The following GNG7 variants were observed in gnomAD, a reference collection of about 807,000 sequenced individuals.
GNG7 encodes the protein guanine nucleotide-binding protein G(I)/G(S)/G(O) subunit gamma-7.
Under a neutral mutation model 4.0 loss-of-function variants are expected in GNG7, and 1 was observed. The observed-to-expected ratio is 0.25, with a 90% CI of 0.09 to 1.18. The LOEUF (loss-of-function observed/expected upper bound fraction) is 1.18, where lower values mean the gene tolerates loss of function less well. Among genes scored for constraint, GNG7 ranks in the 50% most tolerant of loss-of-function variants. GNG7 has a pLI of 0.50. For synonymous variants in GNG7, 34 were observed against 36.9 expected (o/e 0.92, Z 0.29); for missense variants, 86 against 91.9 (o/e 0.94, Z 0.26).
intron 2 of GNG7, among the ~76,000 whole-genome samples, chr19:2,555,795 G>T (rs1437451896): frequency 1.3e-5 from 2 of 152,116 alleles, no homozygotes; most frequent in African/African-American, 4.8e-5. Flanking sequence ...GGTCGGGGCG[G>T]TTGGGGCCTT....
In GNG7 at chr19:2,533,370, G is replaced by A. The variant is rs181346755; in HGVS notation, c.-37-12645C>T. ...AAAGTTCAAGAATAGGCAAAACTAT[G>A]GTGATAGAAATGAAAACAGAGGTTG... On this transcript the variant is annotated intron_variant, in intron 3 of 4. Coordinates refer to ENST00000382159, the MANE Select transcript of GNG7 (RefSeq NM_052847.3). 1.1e-4 allele frequency among the ~76,000 whole-genome samples: 16 copies of A among 152,106 alleles called. No individual in the cohort carries two copies. In the East Asian group the frequency reaches 3.1e-3, roughly 29 times the overall value.
intron 4 of GNG7, among the ~76,000 whole-genome samples, chr19:2,517,970 G>A (rs1004320894): frequency 1.3e-5 from 2 of 152,206 alleles, no homozygotes; most frequent in African/African-American, 4.8e-5. Context: ...CCCGCCGGCT[G>A]CGGCCTGTGA....
At chr19:2,672,042 C>A (rs111604617) in intron 1 of GNG7, among the ~76,000 whole-genome samples, 1,353 of 94,470 alleles carry the variant, frequency 0.014, 21 homozygotes, top group African/African-American at 0.054. Context: ...CAGAGTGAGA[C>A]TCCGTCTCAA....
At chr19:2,559,167 C>G (rs961637299) in intron 2 of GNG7, among the ~76,000 whole-genome samples, 7 of 151,742 alleles carry the variant, frequency 4.6e-5, no homozygotes, top group Non-Finnish European at 1.5e-5. Flanking sequence ...TATACATATA[C>G]ATATATATCC....
In GNG7 at chr19:2,602,811, G is replaced by A. The variant is rs376408056; in HGVS notation, c.-78+43413C>T. Among the ~76,000 whole-genome samples the A allele has an allele frequency of 1.5e-3, 222 of 152,192 alleles. 3 individuals are homozygous for A. Among genetic ancestry groups the A allele is most frequent in the African/African-American group, 5.0e-3 (209 of 41,542 alleles). ...ATTGCCTTTTATAGGCAGGTTGATA[G>A]TTCACAGCTGGAAGGGGGCTCACTG... On this transcript the variant is annotated intron_variant, in intron 2 of 4. Coordinates refer to ENST00000382159, the MANE Select transcript of GNG7 (RefSeq NM_052847.3).
rs377753390 is a variant in GNG7, at chr19:2,659,070, T to C, written c.-134-12790A>G. Reference sequence around the variant, plus strand: ...CTGCAAGCTCCACCTCCCGGGTTCATGCCATTCTCCTGCCTCAGCCTCCCG... The same window carrying C: ...CTGCAAGCTCCACCTCCCGGGTTCACGCCATTCTCCTGCCTCAGCCTCCCG... On this transcript the variant is annotated intron_variant, in intron 1 of 4. Coordinates refer to ENST00000382159, the MANE Select transcript of GNG7 (RefSeq NM_052847.3). Among the ~76,000 whole-genome samples, 835 of 151,584 alleles carry C rather than the reference T, an allele frequency of 5.5e-3. 6 individuals carry two copies. The highest frequency in any genetic ancestry group is 0.018 in the African/African-American group (731 of 41,336).
At chr19:2,691,880 AAAAG>A (rs1913143640) in intron 1 of GNG7, among the ~76,000 whole-genome samples, 1 of 152,086 alleles carries the variant, frequency 6.6e-6, no homozygotes, top group African/African-American at 2.4e-5. Context: ...AAAAAAAAAA[AAAAG>A]AGGAGGGAAA....
chr19:2,522,122 G>T lies in GNG7; in HGVS notation c.-37-1397C>A, dbSNP rs565937755. ...CATTTGTGGCTGTCATGACTTGGGG[G>T]TGCTCCTGGCAGGGAGTGGGTGGAG... On this transcript the variant is annotated intron_variant, in intron 3 of 4. Coordinates refer to ENST00000382159, the MANE Select transcript of GNG7 (RefSeq NM_052847.3). Among the ~76,000 whole-genome samples, 13 of 152,232 alleles carry T rather than the reference G, an allele frequency of 8.5e-5. No homozygotes were observed. The South Asian group carries it at 2.7e-3, about 32-fold the overall frequency.
At chr19:2,620,369 C>G (rs1365230293) in intron 2 of GNG7, among the ~76,000 whole-genome samples, 1 of 151,932 alleles carries the variant, frequency 6.6e-6, no homozygotes, top group African/African-American at 2.4e-5. Flanking sequence ...GCCCCCCTCA[C>G]AAACCTCTGT....
At chr19:2,567,951 C>T (rs1979971974) in intron 2 of GNG7, among the ~76,000 whole-genome samples, 1 of 152,098 alleles carries the variant, frequency 6.6e-6, no homozygotes. Context: ...GGAAGTAGGG[C>T]GTTCACAACG....
At chr19:2,543,363 G>A (rs11881492) in intron 3 of GNG7, among the ~76,000 whole-genome samples, 70,556 of 151,472 alleles carry the variant, frequency 0.47, 16,626 homozygotes, top group African/African-American at 0.53. Flanking sequence ...TGGGACTACA[G>A]GTGTGCACCA....
chr19:2,545,403 T>C (rs1979091545), intron 3 of GNG7, among the ~76,000 whole-genome samples: 1 of 151,916 alleles, frequency 6.6e-6, no homozygotes, highest in Non-Finnish European at 1.5e-5. Context: ...TTTCCAGCAC[T>C]TTGGGAGACC....
intron 1 of GNG7, among the ~76,000 whole-genome samples, chr19:2,692,634 C>T (rs1041754791): frequency 3.8e-5 from 5 of 132,360 alleles, no homozygotes; most frequent in Non-Finnish European, 7.8e-5. Flanking sequence ...GACTCCATCT[C>T]GAAAAAAAAA....
chr19:2,610,107 C>T (rs1342704453), intron 2 of GNG7: 3 of 152,146 alleles, frequency 2.0e-5, no homozygotes, highest in African/African-American at 7.2e-5. Flanking sequence ...CAGGGGACAG[C>T]TCAGGTGGCC....
chr19:2,578,350 C>T (rs1980405008), intron 2 of GNG7, among the ~76,000 whole-genome samples: 1 of 152,090 alleles, frequency 6.6e-6, no homozygotes. Flanking sequence ...ACTCCTGACT[C>T]GCCCTGTTCT....
chr19:2,665,861 T>G (rs1983296680), intron 1 of GNG7, among the ~76,000 whole-genome samples: 1 of 152,192 alleles, frequency 6.6e-6, no homozygotes, highest in South Asian at 2.1e-4. Context: ...TTATTATTCT[T>G]TTTCAATTTA....
At chr19:2,659,362 T>C (rs1489502772) in intron 1 of GNG7, among the ~76,000 whole-genome samples, 3 of 150,566 alleles carry the variant, frequency 2.0e-5, no homozygotes, top group African/African-American at 7.3e-5. Context: ...GGGGATCACC[T>C]GAGGTCAGGA....
At chr19:2,523,269 C>T (rs1004254251) in intron 3 of GNG7, among the ~76,000 whole-genome samples, 1 of 151,802 alleles carries the variant, frequency 6.6e-6, no homozygotes, top group African/African-American at 2.4e-5. Context: ...AAGGGCAACA[C>T]AGCCAGGCAT....
intron 3 of GNG7, among the ~76,000 whole-genome samples, chr19:2,545,770 A>C (rs1979104451): frequency 6.6e-6 from 1 of 151,662 alleles, no homozygotes; most frequent in East Asian, 1.9e-4. Context: ...CCTGGCCAAC[A>C]CGGTGAAACC....
Sources: gnomAD v4.1 joint callset for allele counts (sites outside exome capture counted in the v4.1 genomes callset) on GRCh38, gnomAD v4.1.1 for gene constraint, MANE v1.5 for transcripts, NCBI Gene and HGNC (gene_info 2026-07-23, HGNC 2026-07-21) for gene names.